PTPRA: variants seen among roughly 807,000 people sequenced by gnomAD.
PTPRA encodes protein tyrosine phosphatase receptor type A, also known as receptor-type tyrosine-protein phosphatase alpha.
Under a neutral mutation model 104.8 loss-of-function variants are expected in PTPRA, and 25 were observed. The ratio of observed to expected loss-of-function variants is 0.24; its 90% CI spans 0.17 to 0.33. PTPRA has a LOEUF of 0.33. PTPRA is among the 10% of genes least tolerant of loss of function. PTPRA has a pLI of 1.00. For missense variants in PTPRA, 765 were observed against 1,015.3 expected, an observed-to-expected ratio of 0.75 and a Z score of 3.35; for synonymous variants, 323 against 368.9, an observed-to-expected ratio of 0.88 and a Z score of 1.43.
At chr20:2,908,467 G>T (rs1232368151) in intron 1 of PTPRA, among the ~76,000 whole-genome samples, 1 of 152,206 alleles carries the variant, frequency 6.6e-6, no homozygotes, top group Non-Finnish European at 1.5e-5. Flanking sequence ...GGACTTGAGT[G>T]TGCATAGATT....
chr20:3,028,227 T>C (rs1215907169), intron 20 of PTPRA, among the ~76,000 whole-genome samples: 2 of 152,148 alleles, frequency 1.3e-5, no homozygotes, highest in Non-Finnish European at 1.5e-5. Context: ...GCAGGGCAGA[T>C]AGGTCAAGGT....
chr20:2,887,350 G>T (rs755275033), intron 1 of PTPRA, among the ~76,000 whole-genome samples: 8 of 152,208 alleles, frequency 5.3e-5, no homozygotes, highest in Non-Finnish European at 1.0e-4. Flanking sequence ...TGGATGTGCA[G>T]TAAAAGGTTT....
chr20:2,921,572 T>C (rs182217051), intron 1 of PTPRA, among the ~76,000 whole-genome samples: 1 of 152,298 alleles, frequency 6.6e-6, no homozygotes, highest in Non-Finnish European at 1.5e-5. Context: ...GGGACTCTTT[T>C]TTCCCCCCAG....
intron 9 of PTPRA, among the ~76,000 whole-genome samples, chr20:3,000,640 A>G (rs1335504708): frequency 6.6e-6 from 1 of 152,200 alleles, no homozygotes; most frequent in Admixed American, 6.5e-5. Context: ...CCAAATATTC[A>G]TCAGTAGTAG....
rs998541771 is a variant in PTPRA, at chr20:2,990,571, A to G, written c.738+2097A>G. 9.2e-5 allele frequency among the ~76,000 whole-genome samples: 14 copies of G among 152,246 alleles called. 1 individual carries two copies. The highest frequency in any genetic ancestry group is 7.8e-4 in the Admixed American group (12 of 15,288). ...CCATCTCTACAACAACAACAACAAC[A>G]AAATACAAAAATTAGCTGAGCATAG... is the stretch of plus-strand genomic sequence containing the variant. On this transcript the variant is annotated intron_variant, in intron 9 of 23. Transcript: ENST00000399903.
chr20:2,939,433 TG>T (rs2060823647), intron 2 of PTPRA, among the ~76,000 whole-genome samples: 2 of 152,168 alleles, frequency 1.3e-5, no homozygotes, highest in African/African-American at 2.4e-5. Flanking sequence ...AGAGTTGTGT[TG>T]GAAGGCAGAA....
At chr20:2,881,494 A>C (rs1307989808) in intron 1 of PTPRA, among the ~76,000 whole-genome samples, 3 of 152,112 alleles carry the variant, frequency 2.0e-5, no homozygotes, top group African/African-American at 7.2e-5. Context: ...TGCTAACTTC[A>C]ATTATTAAAA....
At chr20:2,954,618 A>T (rs1049127272) in intron 3 of PTPRA, among the ~76,000 whole-genome samples, 5 of 152,176 alleles carry the variant, frequency 3.3e-5, no homozygotes, top group African/African-American at 1.2e-4. Context: ...TGGATATGTG[A>T]TTGGCATACA....
intron 1 of PTPRA, among the ~76,000 whole-genome samples, chr20:2,891,463 T>A (rs984313017): frequency 2.0e-5 from 3 of 152,176 alleles, no homozygotes; most frequent in Non-Finnish European, 4.4e-5. Context: ...TGTCTTTGGT[T>A]GGACTGCCCA....
intron 1 of PTPRA, among the ~76,000 whole-genome samples, chr20:2,917,861 C>T (rs539630360): frequency 4.2e-4 from 64 of 151,698 alleles, no homozygotes; most frequent in East Asian, 2.9e-3. Context: ...GAGACCGAGG[C>T]GGGTGGATCT....
At chr20:3,036,517 C>G (rs945389011) in intron 22 of PTPRA, among the ~76,000 whole-genome samples, 4 of 152,236 alleles carry the variant, frequency 2.6e-5, no homozygotes, top group African/African-American at 9.6e-5. Context: ...GCCAGTTTCC[C>G]AGGCAGCCAC....
At chr20:2,960,061 A>G (rs535950539) in intron 3 of PTPRA, among the ~76,000 whole-genome samples, 1 of 152,248 alleles carries the variant, frequency 6.6e-6, no homozygotes, top group African/African-American at 2.4e-5. Flanking sequence ...CTTTGTTGCA[A>G]TTGATGGACC....
intron 1 of PTPRA, among the ~76,000 whole-genome samples, chr20:2,902,973 C>T (rs552638708): frequency 2.6e-5 from 4 of 152,192 alleles, no homozygotes; most frequent in Admixed American, 6.5e-5. Context: ...TTTTTGGGTA[C>T]GTAACCTTGT....
intron 6 of PTPRA, among the ~76,000 whole-genome samples, chr20:2,978,293 G>A (rs570768836): frequency 1.2e-4 from 19 of 152,282 alleles, no homozygotes; most frequent in South Asian, 1.0e-3. Context: ...TCAAAACAAC[G>A]GTGATTGGGC....
chr20:2,973,135 T>C (rs192356552), intron 5 of PTPRA, among the ~76,000 whole-genome samples: 1 of 146,244 alleles, frequency 6.8e-6, no homozygotes, highest in East Asian at 2.3e-4. Flanking sequence ...TATGTCTCCT[T>C]TTTTTTTTTG....
intron 1 of PTPRA, among the ~76,000 whole-genome samples, chr20:2,884,517 T>C (rs1335776812): frequency 2.0e-5 from 3 of 152,230 alleles, no homozygotes; most frequent in Admixed American, 2.0e-4. Flanking sequence ...TGCATTTCCA[T>C]GATGATTTAT....
chr20:3,023,200 T>C (rs1394636739), intron 16 of PTPRA, among the ~76,000 whole-genome samples: 4 of 152,226 alleles, frequency 2.6e-5, no homozygotes, highest in Admixed American at 6.5e-5. Flanking sequence ...ATCGCCGTTC[T>C]CCAGTCTCAA....
chr20:2,866,384 C>T, the PTPRA span: 1 of 1,613,832 alleles, frequency 6.2e-7, no homozygotes, highest in African/African-American at 1.3e-5. Context: ...AGGGTTTGTG[C>T]CCTTGAGCAG....
chr20:3,023,270 G>C (rs1295085686), intron 16 of PTPRA, among the ~76,000 whole-genome samples: 2 of 152,188 alleles, frequency 1.3e-5, no homozygotes, highest in Non-Finnish European at 2.9e-5. Flanking sequence ...AGAAAGCCTG[G>C]GTGTTGTCCA....
Sources: allele counts gnomAD v4.1 joint callset (sites outside exome capture counted in the v4.1 genomes callset), GRCh38; gene constraint gnomAD v4.1.1; transcripts MANE v1.5; gene names NCBI Gene and HGNC (gene_info 2026-07-23, HGNC 2026-07-21).